Variants in ST8SIA5 observed in about 807,000 individuals in gnomAD.
ST8SIA5 encodes ST8 alpha-N-acetyl-neuraminide alpha-2,8-sialyltransferase 5.
A neutral mutation model predicts 40.2 loss-of-function variants in ST8SIA5; 24 were observed. That is an observed-to-expected ratio of 0.60 (90% CI 0.43 to 0.84). The LOEUF (loss-of-function observed/expected upper bound fraction) is 0.84, where lower values mean the gene tolerates loss of function less well. ST8SIA5 is among the 40% of genes least tolerant of loss of function. ST8SIA5 has a pLI of 0.00. For missense variants in ST8SIA5, 465 were observed against 498.5 expected (o/e 0.93, Z 0.64); for synonymous variants, 198 against 201.8 (o/e 0.98, Z 0.16).
chr18:46,697,202 A>G (rs1390304380), intron 2 of ST8SIA5, among the ~76,000 whole-genome samples: 2 of 152,034 alleles, frequency 1.3e-5, no homozygotes, highest in Non-Finnish European at 2.9e-5. Context: ...CAGGAGCATC[A>G]TGAACAACTT....
Position 46,689,050 on chromosome 18 carries a change from C to A in ST8SIA5, c.312-131G>T, listed in dbSNP as rs868345720. 202 of 1,160,632 alleles carry A rather than the reference C, an allele frequency of 1.7e-4. No homozygotes were observed. In the African/African-American group the frequency reaches 2.9e-3, roughly 17 times the overall value. The allele number at this position is 1,160,632 out of a possible 1,614,324, so 71.9% of individuals were successfully genotyped here. A position where few individuals can be genotyped will look rare whatever the true frequency, so the allele number is the denominator to read the frequency against. ...TGCTCACCTATCCCACGCTTGCCCC[C>A]ACCCTGCATGGAGCCGAGGCCTCTC... On this transcript the variant is annotated intron_variant, in intron 3 of 6. Coordinates refer to ENST00000315087, the MANE Select transcript of ST8SIA5 (RefSeq NM_013305.6).
In ST8SIA5 at chr18:46,756,878, G is replaced by C; in HGVS notation, c.-370C>G. 4.2e-6 allele frequency: 1 copy of C among 238,290 alleles called. No homozygotes were observed. The highest frequency in any genetic ancestry group is 8.1e-6 in the Non-Finnish European group (1 of 123,684). The allele number at this position is 238,290 out of a possible 1,614,324, so 14.8% of individuals were successfully genotyped here. On this transcript the variant is annotated 5_prime_UTR_variant, in exon 1 of 7. Transcript: ENST00000315087. Reference sequence around the variant, plus strand: ...CCCTCCCGCCGAGGTGGCGGCCAATGGGGAGCAAGACCCGGGCTCCGTCCC... The same window carrying C: ...CCCTCCCGCCGAGGTGGCGGCCAATCGGGAGCAAGACCCGGGCTCCGTCCC...
chr18:46,735,113 G>A (rs796530646), intron 1 of ST8SIA5, among the ~76,000 whole-genome samples: 2 of 152,148 alleles, frequency 1.3e-5, no homozygotes, highest in Non-Finnish European at 2.9e-5. Flanking sequence ...CTGGAAAATC[G>A]GACTCCAAGT....
intron 1 of ST8SIA5, among the ~76,000 whole-genome samples, chr18:46,752,347 G>A (rs897160710): frequency 2.6e-5 from 4 of 152,136 alleles, no homozygotes; most frequent in Non-Finnish European, 4.4e-5. Context: ...GACTGTGCCT[G>A]CCTTGCACAC....
intron 5 of ST8SIA5, among the ~76,000 whole-genome samples, chr18:46,684,316 C>A (rs115966792): frequency 0.018 from 2,683 of 152,234 alleles, 57 homozygotes; most frequent in African/African-American, 0.053. Flanking sequence ...ATGACCCTAG[C>A]AAGGAATATC....
chr18:46,683,867 T>C (rs890476564), intron 5 of ST8SIA5, among the ~76,000 whole-genome samples: 6 of 152,164 alleles, frequency 3.9e-5, no homozygotes, highest in African/African-American at 1.2e-4. Flanking sequence ...GCTCACTGTG[T>C]TGCAAATGAG....
intron 1 of ST8SIA5, among the ~76,000 whole-genome samples, chr18:46,733,723 GC>G (rs1439046825): frequency 4.6e-5 from 7 of 152,154 alleles, no homozygotes; most frequent in Non-Finnish European, 1.0e-4. Context: ...GTGATGAGGG[GC>G]CAGCCCAGGT....
chr18:46,756,662 GGCC>G lies in ST8SIA5; in HGVS notation c.-157_-155del. 1 of 892,590 alleles carries G rather than the reference GGCC, an allele frequency of 1.1e-6. No individual in the cohort carries two copies. Among genetic ancestry groups the G allele is most frequent in the East Asian group, 2.9e-5 (1 of 35,012 alleles). The allele number at this position is 892,590 out of a possible 1,614,324, so 55.3% of individuals were successfully genotyped here. On this transcript the variant is annotated 5_prime_UTR_variant, in exon 1 of 7. Coordinates refer to ENST00000315087, the MANE Select transcript of ST8SIA5 (RefSeq NM_013305.6). ...GAGGGGCAAAGTTTCTGGTTGGCGCGGCCGGAGCTGGGGGCATCCAAGCGTCGC... is the reference window on the plus strand; with the variant it reads ...GAGGGGCAAAGTTTCTGGTTGGCGCGGGAGCTGGGGGCATCCAAGCGTCGC...
At chr18:46,680,949 C>T (rs935728966) in intron 6 of ST8SIA5, among the ~76,000 whole-genome samples, 2 of 152,130 alleles carry the variant, frequency 1.3e-5, no homozygotes, top group Non-Finnish European at 1.5e-5. Flanking sequence ...TCTCCTGCAG[C>T]CTCCGTTTCT....
Position 46,756,683 on chromosome 18 carries a change from A to G in ST8SIA5, c.-175T>C, listed in dbSNP as rs2040252656. 3 of 708,990 alleles carry G rather than the reference A, an allele frequency of 4.2e-6. No homozygotes were observed. In the East Asian group the frequency reaches 9.3e-5, roughly 22 times the overall value. 43.9% of individuals were successfully genotyped at this position (708,990 alleles called of 1,614,324 possible). A position where few individuals can be genotyped will look rare whatever the true frequency, so the allele number is the denominator to read the frequency against. On this transcript the variant is annotated 5_prime_UTR_variant, in exon 1 of 7. Transcript: ENST00000315087. ...GCGCGGCCGGAGCTGGGGGCATCCA[A>G]GCGTCGCAGGCGCTGGGGCGGCAAG...
intron 1 of ST8SIA5, chr18:46,721,448 C>G: frequency 1.3e-6 from 2 of 1,536,150 alleles, no homozygotes; most frequent in East Asian, 4.9e-5. Context: ...GGTCACCACT[C>G]TGCCAACCAA....
intron 1 of ST8SIA5, among the ~76,000 whole-genome samples, chr18:46,733,656 C>T (rs59298210): frequency 0.075 from 11,339 of 152,160 alleles, 788 homozygotes; most frequent in East Asian, 0.36. Context: ...TTATTCCACA[C>T]AGGGCAGTCA....
intron 1 of ST8SIA5, chr18:46,721,294 G>A: frequency 7.2e-7 from 1 of 1,382,604 alleles, no homozygotes; most frequent in Non-Finnish European, 9.9e-7. Context: ...TGGACAATGT[G>A]GCAGGGGCTG....
intron 1 of ST8SIA5, among the ~76,000 whole-genome samples, chr18:46,710,379 C>CTT (rs1429247808): frequency 1.4e-4 from 15 of 108,384 alleles, no homozygotes; most frequent in African/African-American, 6.0e-4. Flanking sequence ...TTCTTTCTTT[C>CTT]TTTCTTTCTT....
At chr18:46,716,844 T>G (rs111911579) in intron 1 of ST8SIA5, among the ~76,000 whole-genome samples, 4,748 of 152,170 alleles carry the variant, frequency 0.031, 256 homozygotes, top group African/African-American at 0.11. Context: ...GAGTTAAAGG[T>G]GATTCGGTTG....
intron 1 of ST8SIA5, among the ~76,000 whole-genome samples, chr18:46,708,239 G>T (rs905609126): frequency 1.3e-5 from 2 of 152,140 alleles, no homozygotes; most frequent in African/African-American, 2.4e-5. Flanking sequence ...TTGATGGCAG[G>T]CCTGAGTCAG....
At chr18:46,706,647 T>C (rs750579097) in intron 1 of ST8SIA5, among the ~76,000 whole-genome samples, 4 of 152,230 alleles carry the variant, frequency 2.6e-5, no homozygotes, top group Admixed American at 6.5e-5. Flanking sequence ...TCTTCTGTAC[T>C]ACAGAGGGAG....
rs770653498 is a variant in ST8SIA5, at chr18:46,680,321, G to T, written c.852C>A (p.Asn284Lys). 6.2e-7 allele frequency: 1 copy of T among 1,614,124 alleles called. No homozygotes were observed. Among genetic ancestry groups the T allele is most frequent in the East Asian group, 2.2e-5 (1 of 44,894 alleles). ...VYYFHPQYLV[N>K]VSRYWLSLGV... ...CCAGGCTGAGCCAGTAGCGCGACAC[G>T]TTGACCAGGTACTGCGGATGGAAGT... The change falls in exon 7 of 7, where the codon AAC (asparagine) becomes AAA (lysine). Residue 284 changes from asparagine to lysine, a missense_variant. By Grantham distance (94) the Asn-to-Lys change is moderately conservative. Coordinates refer to ENST00000315087, the MANE Select transcript of ST8SIA5 (RefSeq NM_013305.6).
intron 1 of ST8SIA5, among the ~76,000 whole-genome samples, chr18:46,734,488 G>C (rs925229003): frequency 1.3e-5 from 2 of 152,046 alleles, no homozygotes; most frequent in Non-Finnish European, 2.9e-5. Context: ...CCTTTTCCAG[G>C]CTCCACTCAA....
Sources: allele counts gnomAD v4.1 joint callset (sites outside exome capture counted in the v4.1 genomes callset), GRCh38; gene constraint gnomAD v4.1.1; transcripts MANE v1.5; gene names NCBI Gene and HGNC (gene_info 2026-07-23, HGNC 2026-07-21).